The following PTGER3 variants were observed in gnomAD, a reference collection of about 807,000 sequenced individuals.
The protein encoded by PTGER3 is prostaglandin E receptor 3.
In PTGER3, 22 loss-of-function variants were observed where a neutral mutation model predicts 34.7. That is an observed-to-expected ratio of 0.63 (90% CI 0.45 to 0.91). The LOEUF (loss-of-function observed/expected upper bound fraction) is 0.91. PTGER3 is among the 40% of genes least tolerant of loss of function. The pLI, the probability that PTGER3 is intolerant of heterozygous loss-of-function variation, is 0.00. For missense variants in PTGER3, 468 were observed against 519.4 expected (o/e 0.90, Z 0.96); for synonymous variants, 241 against 230.1 (o/e 1.05, Z -0.43).
intron 1 of PTGER3, among the ~76,000 whole-genome samples, chr1:71,022,428 C>T (rs1658501463): frequency 6.6e-6 from 1 of 151,918 alleles, no homozygotes; most frequent in South Asian, 2.1e-4. Flanking sequence ...ACAGACATGA[C>T]ATACAAAAGA....
intron 1 of PTGER3, among the ~76,000 whole-genome samples, chr1:71,041,132 G>T (rs1183598541): frequency 2.6e-5 from 4 of 152,202 alleles, no homozygotes; most frequent in Admixed American, 6.5e-5. Context: ...CTCACTGTCA[G>T]TTGAAAATAT....
chr1:70,865,545 G>T lies in PTGER3; in HGVS notation c.*24-12686C>A, dbSNP rs1646022624. 2.8e-6 allele frequency: 3 copies of T among 1,083,950 alleles called. No homozygotes were observed. In the South Asian group the frequency reaches 4.5e-5, roughly 16 times the overall value. 67.1% of individuals were successfully genotyped at this position (1,083,950 alleles called of 1,614,324 possible). On this transcript the variant is annotated intron_variant, in intron 4 of 4. Coordinates refer to the PTGER3 transcript ENST00000370931. ...AGCTAAGGATCTCTTCAGGGTTCTT[G>T]ACTTATAAAATCAGGCCACAAAAAG...
intron 4 of PTGER3, among the ~76,000 whole-genome samples, chr1:70,893,575 G>T (rs1646664402): frequency 6.6e-6 from 1 of 152,164 alleles, no homozygotes; most frequent in African/African-American, 2.4e-5. Flanking sequence ...CATTGTTTAA[G>T]TTAAATTCTA....
At chr1:71,037,362 G>A (rs1056627253) in intron 1 of PTGER3, among the ~76,000 whole-genome samples, 1 of 152,150 alleles carries the variant, frequency 6.6e-6, no homozygotes, top group Non-Finnish European at 1.5e-5. Flanking sequence ...TCCAAAGATT[G>A]TCATTGTCTT....
intron 2 of PTGER3, among the ~76,000 whole-genome samples, chr1:70,955,419 A>C (rs1193559411): frequency 3.3e-5 from 5 of 152,140 alleles, no homozygotes; most frequent in Non-Finnish European, 2.9e-5. Context: ...ATTCCCAAGT[A>C]GTGCACAATC....
intron 4 of PTGER3, among the ~76,000 whole-genome samples, chr1:70,910,976 A>T (rs897145030): frequency 6.6e-6 from 1 of 151,898 alleles, no homozygotes; most frequent in African/African-American, 2.4e-5. Context: ...GCTACTCAGG[A>T]GGCTGAGGGA....
At chr1:71,012,098 A>G (rs1316334235) in intron 2 of PTGER3, 36 of 1,500,408 alleles carry the variant, frequency 2.4e-5, no homozygotes, top group Non-Finnish European at 2.9e-5. Flanking sequence ...TTAGCTTTAT[A>G]CCAAAAATTC....
At chr1:70,865,833 C>A in intron 4 of PTGER3, 1 of 1,351,214 alleles carries the variant, frequency 7.4e-7, no homozygotes, top group Non-Finnish European at 9.9e-7. Context: ...AGAAGAGGAG[C>A]CTGAAGAGAA....
At chr1:71,030,908 T>A (rs1214344684) in intron 1 of PTGER3, among the ~76,000 whole-genome samples, 1 of 152,180 alleles carries the variant, frequency 6.6e-6, no homozygotes, top group Admixed American at 6.5e-5. Flanking sequence ...TTTGAAAATA[T>A]TTTTATAAAC....
At chr1:71,040,074 A>C (rs1158793223) in intron 1 of PTGER3, among the ~76,000 whole-genome samples, 1 of 150,718 alleles carries the variant, frequency 6.6e-6, no homozygotes, top group Non-Finnish European at 1.5e-5. Flanking sequence ...AAAGAGAGGG[A>C]GGGAGGGAAG....
chr1:71,000,871 A>G (rs1371178674), intron 2 of PTGER3, among the ~76,000 whole-genome samples: 1 of 152,222 alleles, frequency 6.6e-6, no homozygotes, highest in African/African-American at 2.4e-5. Flanking sequence ...AAATGCAAAC[A>G]TTGAATGTTG....
At chr1:71,028,198 T>A (rs1659105011) in intron 1 of PTGER3, among the ~76,000 whole-genome samples, 1 of 152,128 alleles carries the variant, frequency 6.6e-6, no homozygotes, top group East Asian at 1.9e-4. Context: ...GATGATCATG[T>A]GACCCCATAC....
intron 4 of PTGER3, among the ~76,000 whole-genome samples, chr1:70,880,896 C>A (rs751280978): frequency 8.7e-5 from 12 of 138,386 alleles, no homozygotes; most frequent in Non-Finnish European, 1.5e-4. Context: ...GGATGGTTGT[C>A]TTATATAGTG....
At chr1:71,037,783 T>C (rs1192393816) in intron 1 of PTGER3, among the ~76,000 whole-genome samples, 1 of 152,096 alleles carries the variant, frequency 6.6e-6, no homozygotes, top group Non-Finnish European at 1.5e-5. Context: ...TCCAGGTCTC[T>C]TGCCATCCAG....
chr1:70,940,164 C>T (rs1046960380), intron 4 of PTGER3, among the ~76,000 whole-genome samples: 1 of 152,172 alleles, frequency 6.6e-6, no homozygotes, highest in East Asian at 1.9e-4. Flanking sequence ...AAAATGCCAC[C>T]AGTTTCTTTG....
At chr1:70,951,979 A>G (rs1345536575), downstream of PTGER3, among the ~76,000 whole-genome samples, 7 of 151,504 alleles carry the variant, frequency 4.6e-5, no homozygotes, top group African/African-American at 1.7e-4. Flanking sequence ...AGGAAGAAAC[A>G]GAGCTGTAGC....
chr1:70,912,443 A>T (rs1321741074), intron 4 of PTGER3, among the ~76,000 whole-genome samples: 1 of 152,062 alleles, frequency 6.6e-6, no homozygotes, highest in Admixed American at 6.6e-5. Flanking sequence ...TGATGTGTTC[A>T]ATGTCCAGTT....
intron 4 of PTGER3, chr1:70,865,755 A>G: frequency 2.2e-6 from 3 of 1,367,252 alleles, no homozygotes; most frequent in Non-Finnish European, 2.9e-6. Context: ...GCGGGAAAGG[A>G]CAAATCCAAG....
intron 2 of PTGER3, chr1:71,011,901 A>G: frequency 8.8e-7 from 1 of 1,137,612 alleles, no homozygotes; most frequent in Non-Finnish European, 1.1e-6. Flanking sequence ...GTACTGGAAT[A>G]TTAACTATCC....
Sources: gnomAD v4.1 joint callset for allele counts (sites outside exome capture counted in the v4.1 genomes callset) on GRCh38, gnomAD v4.1.1 for gene constraint, MANE v1.5 for transcripts, NCBI Gene and HGNC (gene_info 2026-07-23, HGNC 2026-07-21) for gene names.